The following SV2C variants were observed in gnomAD, a reference collection of about 807,000 sequenced individuals.
SV2C encodes the protein solute carrier family 22 member B3.
SV2C carries 49 observed loss-of-function variants against 79.7 expected under a neutral mutation model. The ratio of observed to expected loss-of-function variants is 0.61; its 90% CI spans 0.49 to 0.78. The LOEUF is 0.78. SV2C is among the 30% of genes least tolerant of loss of function. SV2C has a pLI of 0.00. For synonymous variants in SV2C, 334 were observed against 333.2 expected (o/e 1.00, Z -0.03); for missense variants, 833 against 912.9 (o/e 0.91, Z 1.13).
At chr5:75,926,062 T>C in the SV2C span, among the ~76,000 whole-genome samples, 87 of 152,330 alleles carry the variant, frequency 5.7e-4, 1 homozygote, top group East Asian at 0.015. Flanking sequence ...TGTTAAGATC[T>C]CACTTAACTG....
chr5:75,930,905 G>A, the SV2C span, among the ~76,000 whole-genome samples: 2 of 152,282 alleles, frequency 1.3e-5, no homozygotes, highest in South Asian at 4.1e-4. Flanking sequence ...AGGCTGAAGT[G>A]GGTGGATTGC....
At chr5:76,033,901 G>C in the SV2C span, among the ~76,000 whole-genome samples, 1 of 151,720 alleles carries the variant, frequency 6.6e-6, no homozygotes, top group East Asian at 1.9e-4. Flanking sequence ...TCTTCCATTT[G>C]TTTGTATCCT....
At chr5:75,995,423 C>A in the SV2C span, among the ~76,000 whole-genome samples, 4 of 152,008 alleles carry the variant, frequency 2.6e-5, no homozygotes, top group Non-Finnish European at 4.4e-5. Flanking sequence ...TATTATATTG[C>A]TTCCTAGATT....
chr5:76,291,857 G>A lies in SV2C; in HGVS notation c.1337+1G>A. The A allele has an allele frequency of 6.2e-6, 10 of 1,601,250 alleles. No homozygotes were observed. The highest frequency in any genetic ancestry group is 1.1e-5 in the South Asian group (1 of 89,530). On this transcript the variant is annotated splice_donor_variant, in intron 8 of 12. Transcript: ENST00000502798. LOFTEE classifies it high-confidence loss of function. The stretch of plus-strand genomic sequence containing the variant: ...TTGTTTGGTTCACCCTGTCCTTTGG[G>A]TAAGTGATATTTAAATTCTTGGCAA...
chr5:76,025,615 T>C, the SV2C span, among the ~76,000 whole-genome samples: 41 of 152,318 alleles, frequency 2.7e-4, no homozygotes, highest in African/African-American at 9.9e-4. Context: ...ATTCTATGTA[T>C]TGAGATATTG....
chr5:76,057,984 A>G, the SV2C span, among the ~76,000 whole-genome samples: 1 of 152,072 alleles, frequency 6.6e-6, no homozygotes, highest in Non-Finnish European at 1.5e-5. Flanking sequence ...TGTAACGTCC[A>G]TTTCTTTATT....
the SV2C span, among the ~76,000 whole-genome samples, chr5:76,047,529 T>G: frequency 0.11 from 16,154 of 152,154 alleles, 1,999 homozygotes; most frequent in African/African-American, 0.3. Flanking sequence ...TCCCAGTTTG[T>G]GGTTAAACCA....
the SV2C span, among the ~76,000 whole-genome samples, chr5:76,014,386 T>C: frequency 3.2e-4 from 48 of 151,952 alleles, 1 homozygote; most frequent in African/African-American, 1.2e-3. Flanking sequence ...TTCAAAACAC[T>C]CCTAAGGGGC....
the SV2C span, among the ~76,000 whole-genome samples, chr5:76,052,351 T>C: frequency 6.6e-6 from 1 of 152,202 alleles, no homozygotes; most frequent in Non-Finnish European, 1.5e-5. Context: ...AATTCTGCTG[T>C]CTCATTTGTT....
At chr5:75,980,871 G>A in the SV2C span, among the ~76,000 whole-genome samples, 1 of 152,238 alleles carries the variant, frequency 6.6e-6, no homozygotes, top group African/African-American at 2.4e-5. Flanking sequence ...AGGGCAATCA[G>A]GCAAGAGAAA....
At position 76,135,827 on chromosome 5, in the gene SV2C, G is replaced by T. The variant is rs76155594; in HGVS notation, c.580+3497G>T. Among the ~76,000 whole-genome samples, 383 of 152,212 alleles carry T rather than the reference G, an allele frequency of 2.5e-3. 1 individual carries two copies. The highest frequency in any genetic ancestry group is 9.0e-3 in the African/African-American group (374 of 41,540). ...AGCTTCTGTTCAGTGGTTGTTGAGG[G>T]GGGCAGGTATGGTTCTAAGATTACC... On this transcript the variant is annotated intron_variant, in intron 2 of 12. Coordinates refer to ENST00000502798, the MANE Select transcript of SV2C (RefSeq NM_014979.4).
the SV2C span, among the ~76,000 whole-genome samples, chr5:75,965,685 G>A: frequency 6.6e-6 from 1 of 152,170 alleles, no homozygotes; most frequent in African/African-American, 2.4e-5. Flanking sequence ...AAAGTGGAGT[G>A]AATTTATTTC....
chr5:76,172,890 C>G (rs4704281), intron 2 of SV2C, among the ~76,000 whole-genome samples: 2 of 96,402 alleles, frequency 2.1e-5, no homozygotes, highest in Non-Finnish European at 4.1e-5. Flanking sequence ...ATCTCAAGTA[C>G]CCAGGGACAC....
chr5:76,296,577 G>A (rs1243290391), intron 9 of SV2C, among the ~76,000 whole-genome samples: 1 of 152,166 alleles, frequency 6.6e-6, no homozygotes, highest in African/African-American at 2.4e-5. Flanking sequence ...GAAAAGAGTA[G>A]ACCAAGTACT....
At chr5:75,896,038 G>A in the SV2C span, among the ~76,000 whole-genome samples, 1 of 151,688 alleles carries the variant, frequency 6.6e-6, no homozygotes, top group Admixed American at 6.6e-5. Context: ...TAAATTGTCA[G>A]TAATTGGATA....
At chr5:76,000,251 G>A in the SV2C span, among the ~76,000 whole-genome samples, 1 of 152,014 alleles carries the variant, frequency 6.6e-6, no homozygotes, top group Non-Finnish European at 1.5e-5. Flanking sequence ...ACATTTCCCA[G>A]GTACCCACCC....
chr5:76,054,695 A>C, the SV2C span, among the ~76,000 whole-genome samples: 3 of 152,150 alleles, frequency 2.0e-5, no homozygotes, highest in African/African-American at 7.2e-5. Context: ...TCTGACTGGC[A>C]TGAGGTTTTA....
the SV2C span, among the ~76,000 whole-genome samples, chr5:76,067,261 T>C: frequency 5.3e-5 from 8 of 152,074 alleles, no homozygotes; most frequent in Non-Finnish European, 1.0e-4. Flanking sequence ...TTTTTTTCCT[T>C]TATAATTTGT....
At chr5:76,255,309 A>T (rs1307525341) in intron 4 of SV2C, among the ~76,000 whole-genome samples, 1 of 152,182 alleles carries the variant, frequency 6.6e-6, no homozygotes, top group Non-Finnish European at 1.5e-5. Flanking sequence ...CCCAGACTGG[A>T]ATTCACAAAC....
Sources: gnomAD v4.1 joint callset for allele counts (sites outside exome capture counted in the v4.1 genomes callset) on GRCh38, gnomAD v4.1.1 for gene constraint, MANE v1.5 for transcripts, NCBI Gene and HGNC (gene_info 2026-07-23, HGNC 2026-07-21) for gene names.